Variants in DHRSX observed in about 807,000 individuals in gnomAD.
The protein encoded by DHRSX is dehydrogenase/reductase X-linked, also known as polyprenol dehydrogenase.
DHRSX carries 31 observed loss-of-function variants against 34.0 expected under a neutral mutation model. The ratio of observed to expected loss-of-function variants is 0.91; its 90% confidence interval spans 0.69 to 1.23. DHRSX has a LOEUF of 1.23. Among genes scored for constraint, DHRSX ranks in the 50% most tolerant of loss-of-function variants. The pLI is 0.00. For missense variants in DHRSX, 414 were observed against 428.1 expected, an observed-to-expected ratio of 0.97 and a Z score of 0.29; for synonymous variants, 201 against 183.8, an observed-to-expected ratio of 1.09 and a Z score of -0.76.
chrX:2,317,256 C>CTTTTTTTTTT (rs779722860), intron 3 of DHRSX, among the ~76,000 whole-genome samples: 10,100 of 87,044 alleles, frequency 0.12, 2,976 homozygotes, highest in African/African-American at 0.48. Context: ...CCGCGCCTGG[C>CTTTTTTTTTT]TTTTTTTTTT....
chrX:2,425,129 C>A, intron 2 of DHRSX, 68 bp downstream of exon 2: 1 of 1,248,312 alleles, frequency 8.0e-7, no homozygotes. Flanking sequence ...TGACGGACTG[C>A]GATCCTGTCT....
chrX:2,304,455 G>A (rs1274826589), intron 3 of DHRSX, among the ~76,000 whole-genome samples: 1 of 152,134 alleles, frequency 6.6e-6, no homozygotes, highest in Non-Finnish European at 1.5e-5. Flanking sequence ...CCCAGTGCTG[G>A]AGGTGGACCC....
At chrX:2,456,187 G>A (rs1034156911) in intron 1 of DHRSX, among the ~76,000 whole-genome samples, 1 of 152,108 alleles carries the variant, frequency 6.6e-6, no homozygotes, top group East Asian at 1.9e-4. Context: ...GACAATGTGC[G>A]GGACGCCAAA....
chrX:2,430,136 C>T (rs1271463548), intron 1 of DHRSX, among the ~76,000 whole-genome samples: 1 of 151,394 alleles, frequency 6.6e-6, no homozygotes, highest in Non-Finnish European at 1.5e-5. Context: ...GCCCTCGGGT[C>T]TCGGTGAGGA....
At chrX:2,376,791 T>TTC (rs1307072788) in intron 3 of DHRSX, among the ~76,000 whole-genome samples, 1 of 151,992 alleles carries the variant, frequency 6.6e-6, no homozygotes, top group Non-Finnish European at 1.5e-5. Context: ...GTCAGGAGAC[T>TTC]GAGACCATCC....
At chrX:2,426,566 TTTC>T (rs1012178213) in intron 1 of DHRSX, among the ~76,000 whole-genome samples, 15 of 141,104 alleles carry the variant, frequency 1.1e-4, no homozygotes, top group African/African-American at 3.2e-4. Context: ...TCCTTCCCTC[TTTC>T]TTTTCTTCAT....
intron 3 of DHRSX, among the ~76,000 whole-genome samples, chrX:2,328,374 C>T (rs2042415090): frequency 1.3e-5 from 2 of 151,784 alleles, no homozygotes; most frequent in South Asian, 4.2e-4. Flanking sequence ...CCTGTGAGGA[C>T]ACAGGGAGAA....
intron 5 of DHRSX, among the ~76,000 whole-genome samples, chrX:2,256,466 T>A (rs186542768): frequency 2.8e-3 from 427 of 152,104 alleles, no homozygotes; most frequent in African/African-American, 9.9e-3. Flanking sequence ...TGGCTAACTT[T>A]TGCATTTTTA....
intron 3 of DHRSX, among the ~76,000 whole-genome samples, chrX:2,304,289 GTGGGTGGA>G (rs1389393395): frequency 1.1e-4 from 6 of 54,444 alleles, no homozygotes; most frequent in Non-Finnish European, 2.0e-4. Flanking sequence ...GGGTGGGTGG[GTGGGTGGA>G]TGGATGGATG....
At chrX:2,254,646 T>G (rs1569480352) in intron 5 of DHRSX, among the ~76,000 whole-genome samples, 6 of 152,136 alleles carry the variant, frequency 3.9e-5, no homozygotes, top group Non-Finnish European at 8.8e-5. Context: ...GAGAGGTTTT[T>G]TTTGTTTGTT....
chrX:2,303,107 C>A (rs2042032818), intron 3 of DHRSX, among the ~76,000 whole-genome samples: 7 of 152,120 alleles, frequency 4.6e-5, no homozygotes, highest in Admixed American at 2.6e-4. Context: ...ACAAGCTGAG[C>A]TTCCAAAAAC....
At chrX:2,307,803 TA>T (rs1350589353) in intron 3 of DHRSX, among the ~76,000 whole-genome samples, 1 of 138,108 alleles carries the variant, frequency 7.2e-6, no homozygotes, top group East Asian at 2.0e-4. Flanking sequence ...AAAAATAAAA[TA>T]AAAAACAAGG....
At chrX:2,312,945 T>C (rs988977073) in intron 3 of DHRSX, among the ~76,000 whole-genome samples, 1 of 152,038 alleles carries the variant, frequency 6.6e-6, no homozygotes, top group African/African-American at 2.4e-5. Flanking sequence ...AGTCCAAAAG[T>C]CTTTGAATCC....
At chrX:2,472,394 T>A (rs1310518401) in intron 1 of DHRSX, among the ~76,000 whole-genome samples, 2 of 152,090 alleles carry the variant, frequency 1.3e-5, no homozygotes, top group Admixed American at 1.3e-4. Context: ...GCTTACTACC[T>A]GGTTGATGAA....
chrX:2,396,497 C>A lies in DHRSX; in HGVS notation c.286+12248G>T, dbSNP rs184804202. 4.8e-3 allele frequency among the ~76,000 whole-genome samples: 721 copies of A among 150,594 alleles called. 41 individuals carry two copies. The South Asian group carries it at 0.11, about 22-fold the overall frequency. On this transcript the variant is annotated intron_variant, in intron 3 of 6. Coordinates refer to ENST00000334651, the MANE Select transcript of DHRSX (RefSeq NM_145177.3). ...GGTTCAAGCCATTCTCCAGCCTCAGCCTCCCGAGGAGCTGGGATGACAGGC... is the reference window on the plus strand; with the variant it reads ...GGTTCAAGCCATTCTCCAGCCTCAGACTCCCGAGGAGCTGGGATGACAGGC...
chrX:2,293,851 G>A (rs1324397622), intron 3 of DHRSX, among the ~76,000 whole-genome samples: 1 of 152,088 alleles, frequency 6.6e-6, no homozygotes, highest in Non-Finnish European at 1.5e-5. Flanking sequence ...TGCCCCCCAT[G>A]TCTGCACTGA....
chrX:2,318,899 G>A (rs2042272673), intron 3 of DHRSX, among the ~76,000 whole-genome samples: 1 of 151,972 alleles, frequency 6.6e-6, no homozygotes, highest in South Asian at 2.1e-4. Flanking sequence ...TTGGGGTCAG[G>A]ATCAAGACCC....
At chrX:2,482,732 C>T (rs944419729) in intron 1 of DHRSX, among the ~76,000 whole-genome samples, 1 of 152,182 alleles carries the variant, frequency 6.6e-6, no homozygotes, top group Admixed American at 6.5e-5. Context: ...GCAGTAACTG[C>T]CTATTTGATA....
chrX:2,449,461 A>C (rs1239965475), intron 1 of DHRSX, among the ~76,000 whole-genome samples: 1 of 152,084 alleles, frequency 6.6e-6, no homozygotes, highest in Non-Finnish European at 1.5e-5. Flanking sequence ...TCTGGGGGAC[A>C]CTGATTTTCA....
Sources: gnomAD v4.1 joint callset for allele counts (sites outside exome capture counted in the v4.1 genomes callset) on GRCh38, gnomAD v4.1.1 for gene constraint, MANE v1.5 for transcripts, NCBI Gene and HGNC (gene_info 2026-07-23, HGNC 2026-07-21) for gene names.